The following SF3B2 variants were observed in gnomAD, a reference collection of about 807,000 sequenced individuals.
SF3B2 encodes SAP 145.
In SF3B2, 22 loss-of-function variants were observed where a neutral mutation model predicts 116.3. The observed-to-expected ratio is 0.19, with a 90% CI of 0.14 to 0.27. SF3B2 has a LOEUF of 0.27. Among genes scored for constraint, SF3B2 ranks in the 10% least tolerant of loss-of-function variants. The pLI, the probability that SF3B2 is intolerant of heterozygous loss-of-function variation, is 1.00. For missense variants in SF3B2, 767 were observed against 1,151.4 expected, an observed-to-expected ratio of 0.67 and a Z score of 4.83; for synonymous variants, 406 against 421.6, an observed-to-expected ratio of 0.96 and a Z score of 0.45.
At chr11:66,063,762 AC>A in intron 19 of SF3B2, 33 bp downstream of exon 19, 2 of 1,514,632 alleles carry the variant, frequency 1.3e-6, no homozygotes, top group Non-Finnish European at 1.8e-6. Context: ...AGAGGGGAGG[AC>A]CTTCACTTCC....
intron 9 of SF3B2, 98 bp from the exon 10 acceptor site, chr11:66,058,732 G>A: frequency 2.8e-6 from 3 of 1,068,852 alleles, no homozygotes; most frequent in Non-Finnish European, 4.1e-6. Flanking sequence ...AAGCCTGACT[G>A]TTGAACTGTG....
chr11:66,067,123 C>G (rs996772030), intron 19 of SF3B2: 1 of 215,160 alleles, frequency 4.6e-6, no homozygotes, highest in African/African-American at 2.3e-5. Context: ...TTGGTTGTTT[C>G]AGGCAGGAGG....
chr11:66,059,770 T>C lies in SF3B2; in HGVS notation c.1402-12T>C, dbSNP rs773722837. ...GGGCTCTCGAGAACACGCATTACTA[T>C]GTGTTTTCCAGCTGGTGGCTCGGCC... On this transcript the variant is annotated splice_polypyrimidine_tract_variant and intron_variant, in intron 12 of 21. Coordinates refer to ENST00000322535, the MANE Select transcript of SF3B2 (RefSeq NM_006842.3). The surrounding 1 kb of genome is among the most constrained non-coding windows in gnomAD (Gnocchi z 5.0). 3.1e-6 allele frequency: 5 copies of C among 1,613,668 alleles called. No homozygotes were observed. The South Asian group carries it at 3.3e-5, about 11-fold the overall frequency.
rs200551157 is a variant in SF3B2 at position 66,068,763 on chromosome 11, C to T, written c.*18C>T. 233 of 1,608,442 alleles carry T rather than the reference C, an allele frequency of 1.4e-4. 2 individuals are homozygous for T. The African/African-American group carries it at 2.5e-3, about 18-fold the overall frequency. On this transcript the variant is annotated 3_prime_UTR_variant, in exon 22 of 22. Transcript: ENST00000322535. Reference sequence around the variant, plus strand: ...AGTTTTAGGTCCCCTCACACTAGCCCTTTTTTTGGCCCTACGTCTGGATGC... The same window carrying T: ...AGTTTTAGGTCCCCTCACACTAGCCTTTTTTTTGGCCCTACGTCTGGATGC...
At chr11:66,064,488 C>T (rs965547365) in intron 19 of SF3B2, among the ~76,000 whole-genome samples, 1 of 152,148 alleles carries the variant, frequency 6.6e-6, no homozygotes, top group African/African-American at 2.4e-5. Flanking sequence ...TTCACTTTTA[C>T]ATATGTTATA....
At chr11:66,068,519 G>A (rs1423849014) in intron 21 of SF3B2, 155 bp from the exon 22 acceptor site, 1 of 836,330 alleles carries the variant, frequency 1.2e-6, no homozygotes, top group Non-Finnish European at 1.9e-6. Flanking sequence ...ATGAGGGGGA[G>A]GAACTCAGCC....
Position 66,068,893 on chromosome 11 carries a change from G to A in SF3B2, c.*148G>A. The A allele has an allele frequency of 1.5e-6, 1 of 667,482 alleles. No homozygotes were observed. Among genetic ancestry groups the A allele is most frequent in the East Asian group, 2.7e-5 (1 of 36,774 alleles). 41.3% of individuals were successfully genotyped at this position (667,482 alleles called of 1,614,324 possible). Reference sequence around the variant, plus strand: ...TAAATAAAGCTGTTTCCCAAGGAAAGAGATGAATATTTAACACTCCTGAGC... The same window carrying A: ...TAAATAAAGCTGTTTCCCAAGGAAAAAGATGAATATTTAACACTCCTGAGC... On this transcript the variant is annotated 3_prime_UTR_variant, in exon 22 of 22. Transcript: ENST00000322535.
In SF3B2 at chr11:66,059,422, C is replaced by A. The variant is rs1172412490; in HGVS notation, c.1320+84C>A. 1 of 1,609,656 alleles carries A rather than the reference C, an allele frequency of 6.2e-7. No homozygotes were observed. The highest frequency in any genetic ancestry group is 8.5e-7 in the Non-Finnish European group (1 of 1,176,446). The stretch of plus-strand genomic sequence containing the variant: ...ATCCAGAGAGGGACCATGGTGAACT[C>A]TTACAGAGCTTTGGTGGCTTAAGGT... On this transcript the variant is annotated intron_variant, in intron 11 of 21. Coordinates refer to ENST00000322535, the MANE Select transcript of SF3B2 (RefSeq NM_006842.3). This position sits in a 1 kb window ranked among gnomAD's most constrained non-coding sequence, Gnocchi z 5.0.
chr11:66,059,187 G>A lies in SF3B2; in HGVS notation c.1183-14G>A. On this transcript the variant is annotated splice_polypyrimidine_tract_variant and intron_variant, in intron 10 of 21. Transcript: ENST00000322535. The surrounding 1 kb of genome is among the most constrained non-coding windows in gnomAD (Gnocchi z 5.0). ...GCTCAGAGGGCAGGGGTTTCACCTT[G>A]TCTGCCTCCTTAGCTCACTGATGAT... is the stretch of plus-strand genomic sequence containing the variant. The A allele has an allele frequency of 6.2e-7, 1 of 1,614,096 alleles. No individual in the cohort carries two copies. Among genetic ancestry groups the A allele is most frequent in the Non-Finnish European group, 8.5e-7 (1 of 1,180,016 alleles).
chr11:66,061,254 G>C (rs1005671133), intron 14 of SF3B2, among the ~76,000 whole-genome samples: 1 of 152,186 alleles, frequency 6.6e-6, no homozygotes, highest in Non-Finnish European at 1.5e-5. Context: ...TCCTGTCTTA[G>C]AAATGATAAT....
At position 66,068,915 on chromosome 11, in the gene SF3B2, G is replaced by T. The variant is rs181682551; in HGVS notation, c.*170G>T. The stretch of plus-strand genomic sequence containing the variant: ...AAAGAGATGAATATTTAACACTCCT[G>T]AGCCTCCCTCATCTCCTTTTAGCCC... On this transcript the variant is annotated 3_prime_UTR_variant, in exon 22 of 22. Transcript: ENST00000322535. 33 of 602,230 alleles carry T rather than the reference G, an allele frequency of 5.5e-5. No homozygotes were observed. The African/African-American group carries it at 5.7e-4, about 10-fold the overall frequency. The allele number at this position is 602,230 out of a possible 1,614,324, so 37.3% of individuals were successfully genotyped here.
intron 5 of SF3B2, among the ~76,000 whole-genome samples, chr11:66,056,275 C>A (rs926820486): frequency 3.3e-5 from 5 of 151,992 alleles, no homozygotes; most frequent in South Asian, 4.1e-4. Context: ...CGGCGCATGC[C>A]TGTAGTCCCA....
intron 6 of SF3B2, 140 bp from the exon 7 acceptor site, chr11:66,057,126 A>C: frequency 1.2e-6 from 1 of 854,770 alleles, no homozygotes; most frequent in Non-Finnish European, 2.0e-6. Context: ...CATGATCCAA[A>C]ACATTACCAG....
At chr11:66,068,650 C>G (rs900296516) in intron 21 of SF3B2, 24 bp from the exon 22 acceptor site, 1 of 1,611,822 alleles carries the variant, frequency 6.2e-7, no homozygotes, top group African/African-American at 1.3e-5. Context: ...CTGTCTTAAC[C>G]TGTGTCTCTT....
chr11:66,060,743 G>A lies in SF3B2; in HGVS notation c.1779+12G>A, dbSNP rs757806464. The A allele has an allele frequency of 1.2e-6, 2 of 1,613,904 alleles. No individual in the cohort carries two copies. The highest frequency in any genetic ancestry group is 2.2e-5 in the South Asian group (2 of 91,074). The stretch of plus-strand genomic sequence containing the variant: ...ACCTGTACTATGAGGTTCGGGAGGG[G>A]GCTGGGAGAGGTCAGGCTGGGCCTT... On this transcript the variant is annotated intron_variant, in intron 14 of 21. Transcript: ENST00000322535.
Position 66,055,305 on chromosome 11 carries a change from G to T in SF3B2, c.488G>T (p.Arg163Leu). 1 of 1,612,278 alleles carries T rather than the reference G, an allele frequency of 6.2e-7. No homozygotes were observed. The highest frequency in any genetic ancestry group is 8.5e-7 in the Non-Finnish European group (1 of 1,179,426). ...QAALLMQQEERAKQQGDHSLK... is the reference protein window; with the variant it reads ...QAALLMQQEELAKQQGDHSLK... ...GCATTGCTGATGCAGCAGGAGGAGC[G>T]TGCCAAGCAGGTAGGGCAGGTGGCA... Residue 163 changes from arginine to leucine, a missense_variant, in exon 4 of 22, where the codon CGT (arginine) becomes CTT (leucine). Physicochemically the swap from Arg to Leu is moderately radical, Grantham distance 102. Around this residue, in one of 4 missense-constraint regions of SF3B2, gnomAD observed 455 missense variants for 537.5 expected, o/e 0.85. Coordinates refer to ENST00000322535, the MANE Select transcript of SF3B2 (RefSeq NM_006842.3).
intron 9 of SF3B2, 108 bp downstream of exon 9, chr11:66,058,513 A>G (rs1590712063): frequency 4.8e-6 from 4 of 830,638 alleles, no homozygotes; most frequent in South Asian, 3.1e-5. Flanking sequence ...TTTTGTGCCA[A>G]TTTCCGCCCT....
intron 9 of SF3B2, 190 bp from the exon 10 acceptor site, chr11:66,058,640 A>T (rs375760431): frequency 1.6e-6 from 1 of 640,704 alleles, no homozygotes; most frequent in African/African-American, 1.8e-5. Context: ...ACCCAAAGGC[A>T]TACAGCTTGT....
chr11:66,059,829 G>A lies in SF3B2; in HGVS notation c.1449G>A (p.Gln483=). ...TGGAGATGCACGATGTGACAGCGCAGGACCCTAAGCTCTTGGTTCACCTCA... is the reference window on the plus strand; with the variant it reads ...TGGAGATGCACGATGTGACAGCGCAAGACCCTAAGCTCTTGGTTCACCTCA... ...DVVEMHDVTA[Q]DPKLLVHLKA... Residue 483 remains glutamine (Q), a synonymous_variant, in exon 13 of 22, where the codon CAG becomes CAA. Transcript: ENST00000322535. The surrounding 1 kb of genome is among the most constrained non-coding windows in gnomAD (Gnocchi z 5.0). The A allele has an allele frequency of 6.2e-7, 1 of 1,614,224 alleles. No homozygotes were observed. The highest frequency in any genetic ancestry group is 8.5e-7 in the Non-Finnish European group (1 of 1,180,050).
Sources: gnomAD v4.1 joint callset for allele counts (sites outside exome capture counted in the v4.1 genomes callset) on GRCh38, gnomAD v4.1.1 for gene constraint, gnomAD v4.1.1 regional missense constraint, Gnocchi (gnomAD v3.1) non-coding constraint, MANE v1.5 for transcripts, NCBI Gene and HGNC (gene_info 2026-07-23, HGNC 2026-07-21) for gene names.